SYTL3: variants seen among roughly 807,000 people sequenced by gnomAD.
The protein encoded by SYTL3 is synaptotagmin-like protein 3.
Under a neutral mutation model 82.1 loss-of-function variants are expected in SYTL3, and 88 were observed. That is an observed-to-expected ratio of 1.07 (90% CI 0.90 to 1.28). The LOEUF is 1.28. Ranked by LOEUF, SYTL3 falls within the 50% of genes most tolerant of loss-of-function variation. The pLI is 0.00. For missense variants in SYTL3, 831 were observed against 757.6 expected (o/e 1.10, Z -1.14); for synonymous variants, 311 against 289.4 (o/e 1.07, Z -0.76).
intron 5 of SYTL3, among the ~76,000 whole-genome samples, chr6:158,672,917 G>C (rs892250266): frequency 6.6e-6 from 1 of 151,984 alleles, no homozygotes; most frequent in East Asian, 1.9e-4. Flanking sequence ...TTTCAGGCGT[G>C]AGCCACCTCA....
At chr6:158,716,403 C>T (rs909510963) in intron 9 of SYTL3, among the ~76,000 whole-genome samples, 1 of 152,192 alleles carries the variant, frequency 6.6e-6, no homozygotes, top group Non-Finnish European at 1.5e-5. Context: ...ACCAGTTCCT[C>T]CTAAGGGCTT....
intron 12 of SYTL3, among the ~76,000 whole-genome samples, chr6:158,746,453 A>ATTATTATTATTATTATTATTATTATTAT (rs1554263746): frequency 1.0e-5 from 1 of 99,494 alleles, no homozygotes; most frequent in Non-Finnish European, 2.5e-5. Context: ...AATAATAATA[A>ATTATTATTATTATTATTATTATTATTAT]TAATAATATT....
chr6:158,673,067 A>T (rs972231485), intron 5 of SYTL3, among the ~76,000 whole-genome samples: 13 of 151,810 alleles, frequency 8.6e-5, no homozygotes, highest in African/African-American at 3.1e-4. Flanking sequence ...AATAGCTGGG[A>T]CTCCAAGTAC....
intron 6 of SYTL3, among the ~76,000 whole-genome samples, chr6:158,696,886 T>A (rs1235003003): frequency 1.3e-5 from 2 of 151,988 alleles, no homozygotes; most frequent in Non-Finnish European, 2.9e-5. Flanking sequence ...TATGGTCAAA[T>A]GATTTTTGAG....
At chr6:158,757,711 TTCCC>T (rs1020229585) in intron 14 of SYTL3, among the ~76,000 whole-genome samples, 1 of 152,194 alleles carries the variant, frequency 6.6e-6, no homozygotes, top group Non-Finnish European at 1.5e-5. Flanking sequence ...GGCCATGCCT[TTCCC>T]TGGGGGCACC....
At chr6:158,652,221 C>T (rs1430106732) in intron 2 of SYTL3, among the ~76,000 whole-genome samples, 1 of 150,188 alleles carries the variant, frequency 6.7e-6, no homozygotes, top group East Asian at 2.0e-4. Flanking sequence ...AGCCACCGAG[C>T]CCAGCCTGTT....
At position 158,682,355 on chromosome 6, in the gene SYTL3, C is replaced by CTTTTTT. The variant is rs61526522; in HGVS notation, c.330-553_330-548dup. ...TATATGTTAATATGCTTAACATTCA[C>CTTTTTT]TTTTTTTTTTTTTTTTTTTTTTGAG... is the stretch of plus-strand genomic sequence containing the variant. On this transcript the variant is annotated intron_variant, in intron 5 of 17. Transcript: ENST00000611299. 1.6e-3 allele frequency among the ~76,000 whole-genome samples: 174 copies of CTTTTTT among 106,802 alleles called. 13 individuals carry two copies. The highest frequency in any genetic ancestry group is 5.8e-3 in the African/African-American group (138 of 23,592). The allele number at this position is 106,802 out of a possible 152,430, so 70.1% of individuals were successfully genotyped here.
chr6:158,753,668 T>C (rs1788692366), intron 13 of SYTL3, among the ~76,000 whole-genome samples: 1 of 147,394 alleles, frequency 6.8e-6, no homozygotes, highest in Admixed American at 6.9e-5. Context: ...AGGCAGAGCT[T>C]GCAGTGAGCC....
upstream of SYTL3, among the ~76,000 whole-genome samples, chr6:158,649,595 C>A (rs1239415857): frequency 6.6e-6 from 1 of 152,240 alleles, no homozygotes; most frequent in Non-Finnish European, 1.5e-5. Context: ...TTTGAAGGTT[C>A]CCCTTGGTGA....
At chr6:158,694,143 A>G (rs1780310497) in intron 6 of SYTL3, among the ~76,000 whole-genome samples, 1 of 152,050 alleles carries the variant, frequency 6.6e-6, no homozygotes, top group Admixed American at 6.6e-5. Flanking sequence ...TGTCTCAGAG[A>G]TTTTTAGACA....
chr6:158,701,663 A>G (rs1252216938), intron 6 of SYTL3, among the ~76,000 whole-genome samples: 5 of 151,770 alleles, frequency 3.3e-5, no homozygotes, highest in African/African-American at 1.2e-4. Flanking sequence ...GGGACAGTGG[A>G]GAGGCAGGTA....
chr6:158,669,082 T>C (rs1325627270), intron 5 of SYTL3, among the ~76,000 whole-genome samples: 1 of 152,218 alleles, frequency 6.6e-6, no homozygotes, highest in Non-Finnish European at 1.5e-5. Context: ...CCGGGGAATG[T>C]ATTGACACTT....
At position 158,708,345 on chromosome 6, in the gene SYTL3, C is replaced by T. The variant is rs757933847; in HGVS notation, c.470C>T (p.Thr157Ile). ...KLSKISVVPP[T>I]PPPVSESQCS... The stretch of plus-strand genomic sequence containing the variant: ...AGCAAAATTTCTGTGGTTCCTCCTA[C>T]TCCACCTCCTGTCAGCGAGAGCCAG... The change falls in exon 8 of 18, where the codon ACT becomes ATT. Residue 157 changes from threonine to isoleucine, a missense_variant. Coordinates refer to ENST00000611299, the MANE Select transcript of SYTL3 (RefSeq NM_001242394.2). The T allele has an allele frequency of 1.9e-6, 3 of 1,614,212 alleles. No individual in the cohort carries two copies. Among genetic ancestry groups the T allele is most frequent in the South Asian group, 1.1e-5 (1 of 91,090 alleles).
In SYTL3 at chr6:158,762,264, C is replaced by T. The variant is rs1321892910; in HGVS notation, c.1517+86C>T. On this transcript the variant is annotated intron_variant, in intron 16 of 17. Coordinates refer to ENST00000611299, the MANE Select transcript of SYTL3 (RefSeq NM_001242394.2). ...AGAACCTGCAGCGAACACTAAAAAA[C>T]GTAAGCCACTTAAAACGTCTTATTT... 8.4e-6 allele frequency: 8 copies of T among 954,408 alleles called. No homozygotes were observed. The East Asian group carries it at 1.5e-4, about 18-fold the overall frequency. The allele number at this position is 954,408 out of a possible 1,614,324, so 59.1% of individuals were successfully genotyped here.
chr6:158,743,913 G>T (rs1240877011), intron 11 of SYTL3, among the ~76,000 whole-genome samples: 1 of 151,942 alleles, frequency 6.6e-6, no homozygotes, highest in Non-Finnish European at 1.5e-5. Flanking sequence ...TGTTGGTATT[G>T]TTTATTGTTT....
At position 158,650,056 on chromosome 6, in the gene SYTL3, CTT is replaced by C. The variant is rs1425463663; in HGVS notation, c.-748_-747del. 1 of 151,968 alleles carries C rather than the reference CTT, an allele frequency of 6.6e-6. No homozygotes were observed. The highest frequency in any genetic ancestry group is 1.5e-5 in the Non-Finnish European group (1 of 68,022). The allele number at this position is 151,968 out of a possible 1,614,324, so 9.4% of individuals were successfully genotyped here. Reference sequence around the variant, plus strand: ...TTCTCTGCAGAGCCGGCTCTGGTCTCTTCTCTTGAAGCAGATGCGAAGGTAGG... The same window carrying C: ...TTCTCTGCAGAGCCGGCTCTGGTCTCCTCTTGAAGCAGATGCGAAGGTAGG... On this transcript the variant is annotated 5_prime_UTR_variant, in exon 1 of 18. Transcript: ENST00000611299.
At chr6:158,748,897 A>T (rs1488098065) in intron 12 of SYTL3, among the ~76,000 whole-genome samples, 5 of 151,520 alleles carry the variant, frequency 3.3e-5, no homozygotes, top group Admixed American at 3.3e-4. Context: ...ATGAAAGAAG[A>T]GACAACATGA....
chr6:158,680,592 A>AAAAC (rs1554246970), intron 5 of SYTL3, among the ~76,000 whole-genome samples: 3 of 151,424 alleles, frequency 2.0e-5, no homozygotes, highest in Admixed American at 6.6e-5. Context: ...AAAAAAAAAA[A>AAAAC]AACACAAAAA....
At chr6:158,716,589 G>A (rs1403972246) in intron 9 of SYTL3, among the ~76,000 whole-genome samples, 3 of 152,176 alleles carry the variant, frequency 2.0e-5, no homozygotes, top group African/African-American at 2.4e-5. Context: ...GGATGGCATT[G>A]CTATCAGAGG....
Sources: allele counts gnomAD v4.1 joint callset (sites outside exome capture counted in the v4.1 genomes callset), GRCh38; gene constraint gnomAD v4.1.1; transcripts MANE v1.5; gene names NCBI Gene and HGNC (gene_info 2026-07-23, HGNC 2026-07-21).